ERLIN1: variants seen among roughly 807,000 people sequenced by gnomAD.
ERLIN1 encodes erlin-1.
ERLIN1 carries 24 observed loss-of-function variants against 46.9 expected under a neutral mutation model. That is an observed-to-expected ratio of 0.51 (90% CI 0.37 to 0.72). ERLIN1 has a LOEUF of 0.72. ERLIN1 is among the 30% of genes least tolerant of loss of function. The probability of loss-of-function intolerance (pLI) is 0.00; values close to 1 mark genes in which losing one functional copy is unlikely to be tolerated. For synonymous variants in ERLIN1, 158 were observed against 143.2 expected (o/e 1.10, Z -0.74); for missense variants, 293 against 417.9 (o/e 0.70, Z 2.61).
At chr10:100,167,254 A>G in intron 7 of ERLIN1, 94 bp downstream of exon 7, 1 of 887,214 alleles carries the variant, frequency 1.1e-6, no homozygotes, top group Non-Finnish European at 1.9e-6. Flanking sequence ...ACTCCACCCC[A>G]GAGTGTATTG....
At chr10:100,179,433 T>C (rs1564817119) in intron 2 of ERLIN1, among the ~76,000 whole-genome samples, 186 bp from the exon 3 acceptor site, 1 of 152,074 alleles carries the variant, frequency 6.6e-6, no homozygotes, top group Non-Finnish European at 1.5e-5. Context: ...AATGAAAGAC[T>C]TGAGACAGAA....
rs759368820 is a variant in ERLIN1, at chr10:100,152,074, T to C, written c.*57A>G. On this transcript the variant is annotated 3_prime_UTR_variant, in exon 11 of 11. Coordinates refer to ENST00000421367, the MANE Select transcript of ERLIN1 (RefSeq NM_006459.4). Reference sequence around the variant, plus strand: ...ATCTGAAGAGTCCGTATAATGATTGTTCCCACTTAACCCCTTGGGCCACAT... The same window carrying C: ...ATCTGAAGAGTCCGTATAATGATTGCTCCCACTTAACCCCTTGGGCCACAT... 5 of 1,054,276 alleles carry C rather than the reference T, an allele frequency of 4.7e-6. No homozygotes were observed. In the South Asian group the frequency reaches 5.1e-5, roughly 11 times the overall value. 65.3% of individuals were successfully genotyped at this position (1,054,276 alleles called of 1,614,324 possible). A position where few individuals can be genotyped will look rare whatever the true frequency, so the allele number is the denominator to read the frequency against.
Position 100,183,772 on chromosome 10 carries a change from G to A in ERLIN1, c.179C>T (p.Thr60Met), listed in dbSNP as rs751083774. ...ATCACTCACCTGCACAGATCTGAAC[G>A]TAGTAATGAAAGGCAACATGATATG... is the stretch of plus-strand genomic sequence containing the variant. Reference protein sequence around the residue: ...GYHIMLPFITTFRSVQTTLQT... With the variant: ...GYHIMLPFITMFRSVQTTLQT... Residue 60 changes from threonine to methionine, a missense_variant, in exon 2 of 11, where the codon ACG (threonine) becomes ATG (methionine). Thr to Met is a moderately conservative substitution (Grantham distance 81). Around this residue, in one of 3 missense-constraint regions of ERLIN1, gnomAD observed 76 missense variants for 77.0 expected, o/e 0.99. Coordinates refer to ENST00000421367, the MANE Select transcript of ERLIN1 (RefSeq NM_006459.4). 4 of 1,612,308 alleles carry A rather than the reference G, an allele frequency of 2.5e-6. No individual in the cohort carries two copies. Among genetic ancestry groups the A allele is most frequent in the Non-Finnish European group, 3.4e-6 (4 of 1,178,582 alleles).
chr10:100,165,279 T>G (rs1441583475), intron 7 of ERLIN1, among the ~76,000 whole-genome samples: 1 of 152,210 alleles, frequency 6.6e-6, no homozygotes, highest in Non-Finnish European at 1.5e-5. Context: ...AAGTTTCCCC[T>G]TTCCTCTGAT....
At chr10:100,165,543 T>C (rs1045916162) in intron 7 of ERLIN1, among the ~76,000 whole-genome samples, 6 of 151,678 alleles carry the variant, frequency 4.0e-5, no homozygotes, top group South Asian at 2.1e-4. Flanking sequence ...CCCACCACCA[T>C]GCCTGGCTAA....
At chr10:100,165,720 A>C (rs1030338800) in intron 7 of ERLIN1, among the ~76,000 whole-genome samples, 1 of 152,046 alleles carries the variant, frequency 6.6e-6, no homozygotes. Flanking sequence ...AGACATGCTG[A>C]CAGTTTAATA....
Position 100,151,511 on chromosome 10 carries a change from G to C in ERLIN1, c.*620C>G, listed in dbSNP as rs1842800157. On this transcript the variant is annotated 3_prime_UTR_variant, in exon 11 of 11. Transcript: ENST00000421367. ...AGGAATCTCTATGAGGAATCTGGTT[G>C]GGTAGCAAAGCTCAGGTCCCTGCAG... 1 of 160,628 alleles carries C rather than the reference G, an allele frequency of 6.2e-6. No individual in the cohort carries two copies. The highest frequency in any genetic ancestry group is 5.8e-5 in the Admixed American group (1 of 17,340). The allele number at this position is 160,628 out of a possible 1,614,324, so 10.0% of individuals were successfully genotyped here. A position where few individuals can be genotyped will look rare whatever the true frequency, so the allele number is the denominator to read the frequency against.
At chr10:100,155,471 C>A (rs1304139392) in intron 9 of ERLIN1, among the ~76,000 whole-genome samples, 3 of 151,000 alleles carry the variant, frequency 2.0e-5, no homozygotes, top group Non-Finnish European at 2.9e-5. Flanking sequence ...TTTTTTTGGA[C>A]AGGTGGAAAA....
chr10:100,157,268 T>C (rs1029255143), intron 8 of ERLIN1, among the ~76,000 whole-genome samples: 2 of 152,094 alleles, frequency 1.3e-5, no homozygotes, highest in African/African-American at 2.4e-5. Flanking sequence ...CCAACTGCTG[T>C]AGGGAAATAA....
intron 3 of ERLIN1, among the ~76,000 whole-genome samples, chr10:100,178,584 A>G (rs1437455604): frequency 6.6e-6 from 1 of 152,222 alleles, no homozygotes; most frequent in Non-Finnish European, 1.5e-5. Context: ...TTAGAAATGC[A>G]AATTCTCGGG....
At chr10:100,165,298 T>C (rs1167625500) in intron 7 of ERLIN1, among the ~76,000 whole-genome samples, 2 of 151,846 alleles carry the variant, frequency 1.3e-5, no homozygotes, top group Admixed American at 1.3e-4. Context: ...ATAACATTGA[T>C]AAAGACATCA....
chr10:100,179,479 CAG>C (rs1359865892), intron 2 of ERLIN1, among the ~76,000 whole-genome samples: 3 of 148,532 alleles, frequency 2.0e-5, no homozygotes, highest in African/African-American at 7.5e-5. Context: ...TTTTTGGAGA[CAG>C]AGTCTTGCTT....
chr10:100,153,656 C>T (rs1842921359), intron 10 of ERLIN1, among the ~76,000 whole-genome samples: 1 of 152,228 alleles, frequency 6.6e-6, no homozygotes, highest in Non-Finnish European at 1.5e-5. Context: ...TAGTGCACAA[C>T]CACATTTCTT....
intron 4 of ERLIN1, among the ~76,000 whole-genome samples, chr10:100,176,600 C>G (rs1354554410): frequency 5.3e-5 from 8 of 152,176 alleles, no homozygotes; most frequent in African/African-American, 1.9e-4. Context: ...AAAACATTAA[C>G]TGAGCTGGGC....
At chr10:100,168,015 T>C (rs1843741713) in intron 6 of ERLIN1, among the ~76,000 whole-genome samples, 1 of 152,234 alleles carries the variant, frequency 6.6e-6, no homozygotes, top group Admixed American at 6.5e-5. Flanking sequence ...TCTGTCTTTG[T>C]AGAGGCTGTT....
chr10:100,153,549 T>C (rs989171594), intron 10 of ERLIN1, among the ~76,000 whole-genome samples: 4 of 152,222 alleles, frequency 2.6e-5, no homozygotes, highest in Admixed American at 1.3e-4. Context: ...TCCTACAGCA[T>C]TTATTTTCTA....
chr10:100,179,162 T>G (rs1431519921), intron 3 of ERLIN1, 39 bp downstream of exon 3: 1 of 1,509,132 alleles, frequency 6.6e-7, no homozygotes, highest in Non-Finnish European at 9.1e-7. Context: ...AAACTCTGTC[T>G]GAGCTAAAGG....
intron 6 of ERLIN1, among the ~76,000 whole-genome samples, chr10:100,168,823 G>A (rs769584671): frequency 1.3e-5 from 2 of 151,998 alleles, no homozygotes; most frequent in Non-Finnish European, 2.9e-5. Flanking sequence ...GGGATTACAG[G>A]CATGCGCCAC....
chr10:100,182,440 A>T (rs1844714663), intron 2 of ERLIN1, among the ~76,000 whole-genome samples: 1 of 152,160 alleles, frequency 6.6e-6, no homozygotes, highest in South Asian at 2.1e-4. Flanking sequence ...ACAGAAGACT[A>T]ACTGAAGTCT....
Sources: allele counts gnomAD v4.1 joint callset (sites outside exome capture counted in the v4.1 genomes callset), GRCh38; gene constraint gnomAD v4.1.1; regional missense constraint gnomAD v4.1.1; transcripts MANE v1.5; gene names NCBI Gene and HGNC (gene_info 2026-07-23, HGNC 2026-07-21).